REDIC1: variants seen among roughly 807,000 people sequenced by gnomAD.
REDIC1 encodes the protein regulator of DNA class I crossover intermediates 1, also known as HEI10 Interacting Protein 1.
At chr12:39,718,348 CA>C in the REDIC1 span, among the ~76,000 whole-genome samples, 3 of 151,998 alleles carry the variant, frequency 2.0e-5, no homozygotes, top group African/African-American at 7.2e-5. Flanking sequence ...TCTGGGTGGC[CA>C]GGGGCATTAG....
the REDIC1 span, among the ~76,000 whole-genome samples, chr12:39,659,334 T>C: frequency 6.6e-6 from 1 of 152,066 alleles, no homozygotes; most frequent in African/African-American, 2.4e-5. Flanking sequence ...ATTTGTGGAC[T>C]TATTTTTATC....
chr12:39,896,536 G>A, the REDIC1 span, among the ~76,000 whole-genome samples: 1 of 146,084 alleles, frequency 6.8e-6, no homozygotes, highest in Admixed American at 7.2e-5. Flanking sequence ...ATACATGTAT[G>A]TATGTATGTG....
chr12:39,804,117 A>T, the REDIC1 span, among the ~76,000 whole-genome samples: 1 of 152,164 alleles, frequency 6.6e-6, no homozygotes, highest in Non-Finnish European at 1.5e-5. Flanking sequence ...AGTTGGTTAG[A>T]GTGGTGGGGA....
the REDIC1 span, among the ~76,000 whole-genome samples, chr12:39,726,746 T>A: frequency 2.0e-5 from 3 of 152,202 alleles, no homozygotes; most frequent in East Asian, 5.8e-4. Flanking sequence ...CACACTGTCT[T>A]CCACAATGGT....
chr12:39,717,969 A>G, the REDIC1 span, among the ~76,000 whole-genome samples: 1 of 145,916 alleles, frequency 6.9e-6, no homozygotes, highest in African/African-American at 2.6e-5. Context: ...TTCACCTTTC[A>G]CCTTTTTTTT....
chr12:39,837,721 C>T, the REDIC1 span, among the ~76,000 whole-genome samples: 4 of 152,146 alleles, frequency 2.6e-5, no homozygotes, highest in Non-Finnish European at 5.9e-5. Flanking sequence ...ATTTATACAA[C>T]CAAAAAACAC....
At chr12:39,895,041 C>A in the REDIC1 span, among the ~76,000 whole-genome samples, 1 of 151,932 alleles carries the variant, frequency 6.6e-6, no homozygotes, top group Non-Finnish European at 1.5e-5. Flanking sequence ...GGCAGTGGAA[C>A]TTTTTGTTTT....
chr12:39,881,910 T>C, the REDIC1 span, among the ~76,000 whole-genome samples: 12 of 152,240 alleles, frequency 7.9e-5, no homozygotes, highest in African/African-American at 2.9e-4. Context: ...CCCTGTATCA[T>C]GATTCTCGGT....
At chr12:39,798,765 T>C in the REDIC1 span, among the ~76,000 whole-genome samples, 1 of 152,166 alleles carries the variant, frequency 6.6e-6, no homozygotes, top group Non-Finnish European at 1.5e-5. Flanking sequence ...AAAAATCTTT[T>C]ACATTCCTTT....
chr12:39,676,242 G>A, the REDIC1 span, among the ~76,000 whole-genome samples: 4 of 150,908 alleles, frequency 2.7e-5, no homozygotes, highest in Non-Finnish European at 5.9e-5. Context: ...AGAAATAGAT[G>A]TCATAAAGAA....
the REDIC1 span, among the ~76,000 whole-genome samples, chr12:39,738,985 A>C: frequency 6.6e-6 from 1 of 152,086 alleles, no homozygotes; most frequent in East Asian, 1.9e-4. Context: ...AATCAAGTGG[A>C]TATATTTCTG....
chr12:39,695,169 A>T, the REDIC1 span, among the ~76,000 whole-genome samples: 1 of 152,248 alleles, frequency 6.6e-6, no homozygotes, highest in East Asian at 1.9e-4. Context: ...GCCTGAGTAC[A>T]TTTCCAGCTG....
chr12:39,907,043 C>T, the REDIC1 span, among the ~76,000 whole-genome samples: 1 of 152,072 alleles, frequency 6.6e-6, no homozygotes, highest in Non-Finnish European at 1.5e-5. Flanking sequence ...TGCAAATTAA[C>T]CCATAAATCA....
chr12:39,834,290 A>ACTAGGCATG, the REDIC1 span, among the ~76,000 whole-genome samples: 1 of 152,032 alleles, frequency 6.6e-6, no homozygotes, highest in Non-Finnish European at 1.5e-5. Flanking sequence ...AACTGAAGGG[A>ACTAGGCATG]CTAGGCATGA....
chr12:39,659,556 C>G, the REDIC1 span, among the ~76,000 whole-genome samples: 4 of 152,054 alleles, frequency 2.6e-5, no homozygotes, highest in African/African-American at 7.2e-5. Context: ...GTCTTATCTG[C>G]TGGTAATCCC....
chr12:39,738,235 TTG>T, the REDIC1 span, among the ~76,000 whole-genome samples: 17 of 152,346 alleles, frequency 1.1e-4, 1 homozygote, highest in Admixed American at 1.1e-3. Context: ...TGTTTTCCTG[TTG>T]CATGTTGGCA....
chr12:39,789,026 T>C, the REDIC1 span, among the ~76,000 whole-genome samples: 50 of 152,286 alleles, frequency 3.3e-4, no homozygotes, highest in African/African-American at 1.2e-3. Flanking sequence ...AAGTCTGTTA[T>C]ACATACAAAG....
the REDIC1 span, among the ~76,000 whole-genome samples, chr12:39,787,896 G>T: frequency 9.9e-5 from 15 of 152,224 alleles, no homozygotes; most frequent in Non-Finnish European, 1.9e-4. Flanking sequence ...GTAAAGAGTG[G>T]TATTGATGAA....
At chr12:39,900,406 T>A in the REDIC1 span, among the ~76,000 whole-genome samples, 2 of 152,168 alleles carry the variant, frequency 1.3e-5, no homozygotes, top group African/African-American at 4.8e-5. Context: ...TTGTCCCTGT[T>A]TGCAGATGAC....
Sources: allele counts gnomAD v4.1 joint callset (sites outside exome capture counted in the v4.1 genomes callset), GRCh38; gene constraint gnomAD v4.1.1; transcripts MANE v1.5; gene names NCBI Gene and HGNC (gene_info 2026-07-23, HGNC 2026-07-21).